Variants in TAFA1 observed in about 807,000 individuals in gnomAD.
TAFA1 encodes the protein TAFA chemokine like family member 1, also known as chemokine-like protein TAFA-1.
Under a neutral mutation model 18.5 loss-of-function variants are expected in TAFA1, and 4 were observed. The ratio of observed to expected loss-of-function variants is 0.22; its 90% CI spans 0.11 to 0.49. The LOEUF (loss-of-function observed/expected upper bound fraction) is 0.49, where lower values mean the gene tolerates loss of function less well. Among genes scored for constraint, TAFA1 ranks in the 20% least tolerant of loss-of-function variants. The pLI is 0.98. For missense variants in TAFA1, 147 were observed against 169.0 expected (o/e 0.87, Z 0.72); for synonymous variants, 56 against 55.2 (o/e 1.01, Z -0.06).
chr3:68,479,031 G>A (rs966665915), intron 3 of TAFA1, among the ~76,000 whole-genome samples: 2 of 150,332 alleles, frequency 1.3e-5, no homozygotes, highest in Admixed American at 1.3e-4. Context: ...AAGAGATCGA[G>A]ACCATCCTGG....
chr3:68,173,738 G>A (rs2066087870), intron 2 of TAFA1, among the ~76,000 whole-genome samples: 1 of 152,040 alleles, frequency 6.6e-6, no homozygotes, highest in South Asian at 2.1e-4. Context: ...AGGCAACATG[G>A]TGTATTGTGT....
chr3:68,230,430 G>A (rs780154903), intron 2 of TAFA1, among the ~76,000 whole-genome samples: 59 of 152,022 alleles, frequency 3.9e-4, no homozygotes, highest in Non-Finnish European at 7.6e-4. Flanking sequence ...TTCCATCCAT[G>A]TTGTTGCAAA....
intron 2 of TAFA1, among the ~76,000 whole-genome samples, chr3:68,386,993 G>T (rs2070118732): frequency 6.6e-6 from 1 of 151,960 alleles, no homozygotes; most frequent in Admixed American, 6.6e-5. Flanking sequence ...CATCTAGATT[G>T]CTAGTGTGCT....
At chr3:68,449,820 T>A (rs554498828) in intron 3 of TAFA1, among the ~76,000 whole-genome samples, 1 of 152,228 alleles carries the variant, frequency 6.6e-6, no homozygotes, top group Non-Finnish European at 1.5e-5. Flanking sequence ...CATGTCTACA[T>A]GAGTACAGAG....
intron 2 of TAFA1, among the ~76,000 whole-genome samples, chr3:68,022,848 A>G (rs1399436877): frequency 1.4e-5 from 2 of 143,328 alleles, no homozygotes; most frequent in African/African-American, 5.3e-5. Context: ...TATATTATAT[A>G]TATATATATA....
chr3:68,010,742 A>G (rs1300437970), intron 2 of TAFA1, among the ~76,000 whole-genome samples: 2 of 152,242 alleles, frequency 1.3e-5, no homozygotes, highest in Non-Finnish European at 2.9e-5. Flanking sequence ...TGTGCTGTAG[A>G]TTAACAGATT....
intron 2 of TAFA1, among the ~76,000 whole-genome samples, chr3:68,411,335 C>T (rs571547257): frequency 3.9e-5 from 6 of 152,078 alleles, no homozygotes; most frequent in African/African-American, 9.7e-5. Flanking sequence ...TCTGCTATAC[C>T]AAAGGCATAC....
At chr3:68,279,472 T>C (rs2067858520) in intron 2 of TAFA1, among the ~76,000 whole-genome samples, 1 of 152,272 alleles carries the variant, frequency 6.6e-6, no homozygotes, top group Admixed American at 6.5e-5. Context: ...CTACATTAGA[T>C]ACTGTGGGTC....
intron 2 of TAFA1, among the ~76,000 whole-genome samples, chr3:68,327,630 C>A (rs193052234): frequency 2.0e-5 from 3 of 152,240 alleles, no homozygotes; most frequent in Admixed American, 2.0e-4. Context: ...TGGGTCAATT[C>A]ATATAAATCC....
At chr3:67,992,656 AT>A in the TAFA1 span, among the ~76,000 whole-genome samples, 1 of 152,218 alleles carries the variant, frequency 6.6e-6, no homozygotes, top group Non-Finnish European at 1.5e-5. Context: ...ACAAATGGGC[AT>A]GTTTGTATTC....
intron 2 of TAFA1, among the ~76,000 whole-genome samples, chr3:68,375,709 A>G (rs2069797572): frequency 6.6e-6 from 1 of 152,132 alleles, no homozygotes; most frequent in African/African-American, 2.4e-5. Flanking sequence ...TACTTTTTGA[A>G]TGTTCTCTGT....
intron 2 of TAFA1, among the ~76,000 whole-genome samples, chr3:68,385,735 A>T (rs764620767): frequency 2.0e-5 from 3 of 151,988 alleles, no homozygotes; most frequent in Admixed American, 2.0e-4. Context: ...TTTTTTTTTA[A>T]GTAGTTTCCT....
At chr3:68,417,830 A>G (rs1430174806) in intron 3 of TAFA1, among the ~76,000 whole-genome samples, 1 of 152,200 alleles carries the variant, frequency 6.6e-6, no homozygotes, top group Non-Finnish European at 1.5e-5. Context: ...GAAACTTTCA[A>G]TCACAGGAGA....
chr3:68,289,966 ACC>A (rs2068079292), intron 2 of TAFA1, among the ~76,000 whole-genome samples: 4 of 152,322 alleles, frequency 2.6e-5, no homozygotes, highest in African/African-American at 9.6e-5. Context: ...AGAACTAGGC[ACC>A]CAGGTGCCTT....
At chr3:68,286,898 GC>G (rs2068017755) in intron 2 of TAFA1, among the ~76,000 whole-genome samples, 1 of 152,124 alleles carries the variant, frequency 6.6e-6, no homozygotes, top group South Asian at 2.1e-4. Flanking sequence ...GGACAGCCAG[GC>G]CCCCTGACAT....
At chr3:68,497,086 T>C (rs1482444402) in intron 3 of TAFA1, among the ~76,000 whole-genome samples, 1 of 152,184 alleles carries the variant, frequency 6.6e-6, no homozygotes, top group African/African-American at 2.4e-5. Flanking sequence ...TGTAAGTGTT[T>C]GGCATGTATT....
At chr3:68,214,194 A>C (rs1037773160) in intron 2 of TAFA1, among the ~76,000 whole-genome samples, 1 of 152,090 alleles carries the variant, frequency 6.6e-6, no homozygotes, top group Admixed American at 6.6e-5. Context: ...GACACTCAAC[A>C]TGGTCCAAAT....
chr3:68,384,148 T>C (rs1277676258), intron 2 of TAFA1, among the ~76,000 whole-genome samples: 2 of 152,124 alleles, frequency 1.3e-5, no homozygotes, highest in Admixed American at 6.6e-5. Context: ...TTCATTGATA[T>C]TTTAAATGGC....
At chr3:68,435,330 A>G (rs2071251047) in intron 3 of TAFA1, among the ~76,000 whole-genome samples, 1 of 152,112 alleles carries the variant, frequency 6.6e-6, no homozygotes, top group Non-Finnish European at 1.5e-5. Flanking sequence ...GAAAGAAGTG[A>G]GACTGGAAAT....
Sources: gnomAD v4.1 joint callset for allele counts (sites outside exome capture counted in the v4.1 genomes callset) on GRCh38, gnomAD v4.1.1 for gene constraint, MANE v1.5 for transcripts, NCBI Gene and HGNC (gene_info 2026-07-23, HGNC 2026-07-21) for gene names.